Variants in ZNF66 observed in about 807,000 individuals in gnomAD.
ZNF66 encodes the protein zinc finger protein 66, also known as putative zinc finger protein 66.
ZNF66 carries 32 observed loss-of-function variants against 35.2 expected under a neutral mutation model. That is an observed-to-expected ratio of 0.91 (90% confidence interval 0.69 to 1.22). The LOEUF (loss-of-function observed/expected upper bound fraction) is 1.22. ZNF66 is among the 50% of genes most tolerant of loss of function. ZNF66 has a pLI of 0.00. For missense variants in ZNF66, 666 were observed against 543.1 expected (o/e 1.23, Z -2.25); for synonymous variants, 231 against 181.3 (o/e 1.27, Z -2.20).
Position 20,807,900 on chromosome 19 carries a change from C to T in ZNF66, c.*578C>T, listed in dbSNP as rs1971540211. On this transcript the variant is annotated 3_prime_UTR_variant, in exon 4 of 4. Coordinates refer to ENST00000344519, the MANE Select transcript of ZNF66 (RefSeq NM_001355197.2). ...GCAGTGCACTGTGCATGAGCTGAAG[C>T]AGGGCGAGGCATTGCCTCACTCACG... Among the ~76,000 whole-genome samples the T allele has an allele frequency of 6.6e-6, 1 of 152,178 alleles. No homozygotes were observed. Among genetic ancestry groups the T allele is most frequent in the Admixed American group, 6.5e-5 (1 of 15,274 alleles).
intron 1 of ZNF66, among the ~76,000 whole-genome samples, chr19:20,780,527 G>A (rs10416047): frequency 0.093 from 14,157 of 152,170 alleles, 671 homozygotes; most frequent in Middle Eastern, 0.11. Context: ...GGCCCATGGG[G>A]TTTTTGACTG....
Position 20,806,096 on chromosome 19 carries a change from A to G in ZNF66, c.496A>G (p.Arg166Gly), listed in dbSNP as rs1971502507. The G allele has an allele frequency of 1.1e-6, 1 of 900,820 alleles. No homozygotes were observed. Among genetic ancestry groups the G allele is most frequent in the Admixed American group, 1.8e-5 (1 of 54,368 alleles). 55.8% of individuals were successfully genotyped at this position (900,820 alleles called of 1,614,324 possible). ...QFSNTNRHKI[R>G]HTGKNPCKFT... ...TTCAAATACAAACAGACATAAGATA[A>G]GACATACTGGAAAAAACCCTTGCAA... The change falls in exon 4 of 4, where the codon AGA (arginine) becomes GGA (glycine). Residue 166 changes from arginine (R) to glycine (G), a missense_variant. Coordinates refer to ENST00000344519, the MANE Select transcript of ZNF66 (RefSeq NM_001355197.2).
Position 20,808,802 on chromosome 19 carries a change from A to C in ZNF66, c.*1480A>C, listed in dbSNP as rs1372285191. 1.3e-5 allele frequency among the ~76,000 whole-genome samples: 2 copies of C among 150,514 alleles called. No individual in the cohort carries two copies. Among genetic ancestry groups the C allele is most frequent in the Non-Finnish European group, 3.0e-5 (2 of 67,280 alleles). ...AAAGCAGAGCACCTCTCCTCCTCCA[A>C]AGGAACACAGTTCCCCACCAGCAAC... On this transcript the variant is annotated 3_prime_UTR_variant, in exon 4 of 4. Coordinates refer to ENST00000344519, the MANE Select transcript of ZNF66 (RefSeq NM_001355197.2).
chr19:20,785,964 G>T (rs1046943916), intron 1 of ZNF66, among the ~76,000 whole-genome samples: 1 of 152,050 alleles, frequency 6.6e-6, no homozygotes, highest in East Asian at 1.9e-4. Flanking sequence ...GTTTCACTGT[G>T]TTGGCTAAGC....
At chr19:20,800,099 C>G (rs1971434286) in intron 3 of ZNF66, among the ~76,000 whole-genome samples, 1 of 152,184 alleles carries the variant, frequency 6.6e-6, no homozygotes, top group Non-Finnish European at 1.5e-5. Context: ...TCACTGTAGC[C>G]TCAGCCTCCT....
At chr19:20,803,614 T>C (rs1378584150) in intron 3 of ZNF66, among the ~76,000 whole-genome samples, 1 of 152,106 alleles carries the variant, frequency 6.6e-6, no homozygotes, top group East Asian at 1.9e-4. Flanking sequence ...ATTAAAAATG[T>C]TTTCTGCACC....
chr19:20,780,074 G>T (rs1971232552), intron 1 of ZNF66, among the ~76,000 whole-genome samples: 2 of 151,900 alleles, frequency 1.3e-5, no homozygotes, highest in Admixed American at 1.3e-4. Context: ...TCGCATCACT[G>T]CACTCCAGCC....
intron 1 of ZNF66, among the ~76,000 whole-genome samples, chr19:20,778,977 A>G (rs1295898713): frequency 6.6e-6 from 1 of 152,088 alleles, no homozygotes; most frequent in Admixed American, 6.6e-5. Context: ...GATATTGAAG[A>G]CTCAGTTAGT....
chr19:20,785,731 A>C lies in ZNF66; in HGVS notation c.4-6781A>C, dbSNP rs561782054. Among the ~76,000 whole-genome samples, 106 of 151,888 alleles carry C rather than the reference A, an allele frequency of 7.0e-4. 2 individuals are homozygous for C. Among genetic ancestry groups the C allele is most frequent in the South Asian group, 1.5e-3 (7 of 4,806 alleles). ...GGCTGGAGCTTCTCTGGGGCTGGAG[A>C]AAATTTTTCTTCTTTTTCTGTTTTT... On this transcript the variant is annotated intron_variant, in intron 1 of 3. Coordinates refer to ENST00000344519, the MANE Select transcript of ZNF66 (RefSeq NM_001355197.2).
At chr19:20,798,123 G>A (rs1971412691) in intron 3 of ZNF66, among the ~76,000 whole-genome samples, 1 of 151,588 alleles carries the variant, frequency 6.6e-6, no homozygotes, top group African/African-American at 2.4e-5. Flanking sequence ...GTACTCATGG[G>A]GATAGTCTTA....
intron 3 of ZNF66, among the ~76,000 whole-genome samples, chr19:20,795,431 G>A (rs917933110): frequency 1.3e-5 from 2 of 149,800 alleles, no homozygotes; most frequent in East Asian, 2.0e-4. Flanking sequence ...GCAATGGTGC[G>A]ATCTCATCTC....
At chr19:20,805,136 A>T (rs902237622) in intron 3 of ZNF66, among the ~76,000 whole-genome samples, 1,534 of 151,200 alleles carry the variant, frequency 0.01, 20 homozygotes, top group African/African-American at 0.035. Context: ...TGAGAGAGAG[A>T]GAGAGAGAGA....
intron 1 of ZNF66, among the ~76,000 whole-genome samples, chr19:20,791,804 C>G (rs1281211390): frequency 6.6e-6 from 1 of 152,118 alleles, no homozygotes; most frequent in African/African-American, 2.4e-5. Context: ...GTTAATGATT[C>G]ACTTGCTTAA....
chr19:20,807,559 C>T lies in ZNF66; in HGVS notation c.*237C>T, dbSNP rs1599557964. On this transcript the variant is annotated 3_prime_UTR_variant, in exon 4 of 4. Coordinates refer to ENST00000344519, the MANE Select transcript of ZNF66 (RefSeq NM_001355197.2). ...TACACCTGTGAAGAATGTGGCATAG[C>T]CTATAACAATTTTCAATCAATTCTT... is the stretch of plus-strand genomic sequence containing the variant. 6.6e-6 allele frequency among the ~76,000 whole-genome samples: 1 copy of T among 151,614 alleles called. No individual in the cohort carries two copies. Among genetic ancestry groups the T allele is most frequent in the African/African-American group, 2.4e-5 (1 of 41,134 alleles).
At chr19:20,778,883 A>G (rs1281765209) in intron 1 of ZNF66, among the ~76,000 whole-genome samples, 2 of 103,560 alleles carry the variant, frequency 1.9e-5, no homozygotes, top group Non-Finnish European at 4.4e-5. Context: ...ATAGTTTCAA[A>G]AACTAAGTGA....
Position 20,806,780 on chromosome 19 carries a change from A to G in ZNF66, c.1180A>G (p.Lys394Glu), listed in dbSNP as rs760973093. ...LTAHKIIHTG[K>E]KPYKCEECGK... ...TGCACATAAGATAATTCATACTGGA[A>G]AGAAACCTTACAAATGTGAAGAATG... The change falls in exon 4 of 4, where the codon AAG becomes GAG. Residue 394 changes from lysine to glutamate, a missense_variant. Transcript: ENST00000344519. 4.6e-6 allele frequency: 6 copies of G among 1,300,282 alleles called. No individual in the cohort carries two copies. Among genetic ancestry groups the G allele is most frequent in the African/African-American group, 4.5e-5 (3 of 67,142 alleles). 80.5% of individuals were successfully genotyped at this position (1,300,282 alleles called of 1,614,324 possible). A position where few individuals can be genotyped will look rare whatever the true frequency, so the allele number is the denominator to read the frequency against.
chr19:20,783,325 T>C (rs934147861), intron 1 of ZNF66, among the ~76,000 whole-genome samples: 3 of 152,228 alleles, frequency 2.0e-5, no homozygotes, highest in Non-Finnish European at 4.4e-5. Flanking sequence ...ATTTAAAAAG[T>C]TCCAAAACAA....
chr19:20,791,210 C>A (rs187386406), intron 1 of ZNF66, among the ~76,000 whole-genome samples: 7 of 152,040 alleles, frequency 4.6e-5, no homozygotes, highest in Non-Finnish European at 7.4e-5. Flanking sequence ...TTAGGTCGGG[C>A]GTGGTGGCTC....
chr19:20,786,625 TCAAACTCAGAGAGA>T (rs1971289604), intron 1 of ZNF66, among the ~76,000 whole-genome samples: 1 of 151,910 alleles, frequency 6.6e-6, no homozygotes, highest in Admixed American at 6.6e-5. Context: ...CTTTTGGTTA[TCAAACTCAGAGAGA>T]CATTAAAATA....
Sources: allele counts gnomAD v4.1 joint callset (sites outside exome capture counted in the v4.1 genomes callset), GRCh38; gene constraint gnomAD v4.1.1; transcripts MANE v1.5; gene names NCBI Gene and HGNC (gene_info 2026-07-23, HGNC 2026-07-21).